The following FGF12 variants were observed in gnomAD, a reference collection of about 807,000 sequenced individuals.
FGF12 encodes the protein fibroblast growth factor 12.
FGF12 carries 14 observed loss-of-function variants against 23.6 expected under a neutral mutation model. The observed-to-expected ratio is 0.59, with a 90% CI of 0.39 to 0.93. FGF12 has a LOEUF of 0.93. Among genes scored for constraint, FGF12 ranks in the 40% least tolerant of loss-of-function variants. The probability of loss-of-function intolerance (pLI) is 0.00; values close to 1 mark genes in which losing one functional copy is unlikely to be tolerated. For missense variants in FGF12, 175 were observed against 217.8 expected, an observed-to-expected ratio of 0.80 and a Z score of 1.24; for synonymous variants, 62 against 77.3, an observed-to-expected ratio of 0.80 and a Z score of 1.04.
intron 2 of FGF12, among the ~76,000 whole-genome samples, chr3:192,374,824 A>G (rs1719403096): frequency 6.6e-6 from 1 of 152,218 alleles, no homozygotes; most frequent in South Asian, 2.1e-4. Context: ...CATAGAACAG[A>G]TTATCATTCT....
In FGF12 at chr3:192,525,291, A is replaced by G. The variant is rs556921204; in HGVS notation, c.14-164753T>C. On this transcript the variant is annotated intron_variant, in intron 2 of 5. Transcript: ENST00000445105. ...CTAAAGGATCCACAGGTATTTCAAA[A>G]AAATAATAATAATAACTACAACTGG... Among the ~76,000 whole-genome samples, 9 of 152,340 alleles carry G rather than the reference A, an allele frequency of 5.9e-5. No homozygotes were observed. The South Asian group carries it at 1.9e-3, about 32-fold the overall frequency.
intron 3 of FGF12, among the ~76,000 whole-genome samples, chr3:192,358,460 A>T (rs752865543): frequency 1.7e-5 from 2 of 119,904 alleles, no homozygotes; most frequent in Non-Finnish European, 3.2e-5. Context: ...ATTTGACACA[A>T]TGTGTGCCCT....
chr3:192,499,512 ATATATTTTTTTTTTTTTTTTT>A (rs1724063707), intron 2 of FGF12, among the ~76,000 whole-genome samples: 1 of 44,050 alleles, frequency 2.3e-5, no homozygotes, highest in South Asian at 1.3e-3. Context: ...ATATATATAT[ATATATTTTTTTTTTTTTTTTT>A]TTTTTTTTTT....
chr3:192,403,597 A>T (rs532587370), intron 2 of FGF12, among the ~76,000 whole-genome samples: 1 of 151,694 alleles, frequency 6.6e-6, no homozygotes, highest in East Asian at 1.9e-4. Flanking sequence ...AATTAGGCTG[A>T]CTTTGTAGTT....
At chr3:192,251,478 A>G (rs1213498739) in intron 4 of FGF12, among the ~76,000 whole-genome samples, 1 of 152,170 alleles carries the variant, frequency 6.6e-6, no homozygotes, top group African/African-American at 2.4e-5. Context: ...GTGCAATTCT[A>G]TTCTTATACA....
At chr3:192,253,638 G>T (rs1187077886) in intron 4 of FGF12, among the ~76,000 whole-genome samples, 1 of 152,050 alleles carries the variant, frequency 6.6e-6, no homozygotes, top group African/African-American at 2.4e-5. Context: ...TTTGTGGTTT[G>T]GAAGGGGAAA....
At chr3:192,614,601 T>C (rs1260391639) in intron 2 of FGF12, among the ~76,000 whole-genome samples, 1 of 152,046 alleles carries the variant, frequency 6.6e-6, no homozygotes, top group Non-Finnish European at 1.5e-5. Flanking sequence ...TTGCTACAAA[T>C]GGTAGAATTT....
chr3:192,628,878 C>A (rs769247705), intron 2 of FGF12, among the ~76,000 whole-genome samples: 1 of 151,734 alleles, frequency 6.6e-6, no homozygotes, highest in Non-Finnish European at 1.5e-5. Flanking sequence ...CTCTGGAGAA[C>A]CCTGACTAAT....
chr3:192,694,724 C>T (rs1407954080), intron 2 of FGF12, among the ~76,000 whole-genome samples: 1 of 151,866 alleles, frequency 6.6e-6, no homozygotes, highest in Non-Finnish European at 1.5e-5. Context: ...CTGCTATTTG[C>T]AACAACATGG....
chr3:192,355,617 G>T (rs764001989), intron 3 of FGF12, among the ~76,000 whole-genome samples: 5 of 152,194 alleles, frequency 3.3e-5, no homozygotes, highest in Non-Finnish European at 5.9e-5. Flanking sequence ...TGTAAGAAAA[G>T]ATTTACAGGA....
intron 2 of FGF12, among the ~76,000 whole-genome samples, chr3:192,384,698 A>G (rs949809376): frequency 1.1e-4 from 17 of 152,230 alleles, no homozygotes; most frequent in African/African-American, 4.1e-4. Flanking sequence ...ACTACACTGA[A>G]TATCTGCTGA....
chr3:192,459,838 AGTGT>A (rs35153893), intron 2 of FGF12, among the ~76,000 whole-genome samples: 177 of 150,462 alleles, frequency 1.2e-3, no homozygotes, highest in African/African-American at 3.8e-3. Context: ...ATGTATGTTT[AGTGT>A]GTGTGTGTGT....
In FGF12 at chr3:192,161,947, G is replaced by A. The variant is rs531767317; in HGVS notation, c.427+8511C>T. ...CACTGGAGTTGTTCTGACAAATTCT[G>A]TTTTCCAAATAAAAACAATTTAACT... On this transcript the variant is annotated intron_variant, in intron 5 of 5. Coordinates refer to ENST00000445105, the MANE Select transcript of FGF12 (RefSeq NM_004113.6). Among the ~76,000 whole-genome samples, 16 of 152,126 alleles carry A rather than the reference G, an allele frequency of 1.1e-4. No homozygotes were observed. The South Asian group carries it at 2.9e-3, about 28-fold the overall frequency.
At chr3:192,247,035 AG>A (rs1341140976) in intron 4 of FGF12, among the ~76,000 whole-genome samples, 2 of 4,414 alleles carry the variant, frequency 4.5e-4, no homozygotes, top group Non-Finnish European at 1.2e-3. Context: ...GAAGGAAAGA[AG>A]GAAGGAAGGA....
At chr3:192,262,242 G>A (rs1199960532) in intron 4 of FGF12, among the ~76,000 whole-genome samples, 2 of 152,144 alleles carry the variant, frequency 1.3e-5, no homozygotes, top group African/African-American at 4.8e-5. Context: ...TGCTGGCCGT[G>A]GGGAGGCATA....
intron 4 of FGF12, among the ~76,000 whole-genome samples, chr3:192,317,256 G>C (rs1468146430): frequency 1.3e-5 from 2 of 151,910 alleles, no homozygotes; most frequent in Non-Finnish European, 2.9e-5. Flanking sequence ...GACCACAGTG[G>C]AGTACAGCAT....
At chr3:192,209,019 C>T (rs754548167) in intron 4 of FGF12, among the ~76,000 whole-genome samples, 18 of 152,282 alleles carry the variant, frequency 1.2e-4, no homozygotes, top group Non-Finnish European at 1.6e-4. Flanking sequence ...TAACAACACA[C>T]GTTTTTATAC....
At chr3:192,384,397 G>A (rs962018155) in intron 2 of FGF12, among the ~76,000 whole-genome samples, 1 of 152,150 alleles carries the variant, frequency 6.6e-6, no homozygotes, top group Non-Finnish European at 1.5e-5. Flanking sequence ...GAGAAGAGGG[G>A]ATGAAAGGTG....
intron 4 of FGF12, among the ~76,000 whole-genome samples, chr3:192,309,974 A>G (rs1012691035): frequency 1.2e-4 from 19 of 152,184 alleles, no homozygotes; most frequent in Admixed American, 9.2e-4. Context: ...ATTAAACTAC[A>G]CAAGGTGAAG....
Sources: allele counts gnomAD v4.1 joint callset (sites outside exome capture counted in the v4.1 genomes callset), GRCh38; gene constraint gnomAD v4.1.1; transcripts MANE v1.5; gene names NCBI Gene and HGNC (gene_info 2026-07-23, HGNC 2026-07-21).